Variants in ABCB9 observed in about 807,000 individuals in gnomAD.
ABCB9 encodes ATP binding cassette subfamily B member 9.
In ABCB9, 36 loss-of-function variants were observed where a neutral mutation model predicts 62.0. The ratio of observed to expected loss-of-function variants is 0.58; its 90% CI spans 0.45 to 0.77. ABCB9 has a LOEUF of 0.77. Ranked by LOEUF, ABCB9 falls within the 30% of genes least tolerant of loss-of-function variation. The probability of loss-of-function intolerance (pLI) is 0.00; values close to 1 mark genes in which losing one functional copy is unlikely to be tolerated. For missense variants in ABCB9, 943 were observed against 1,054.7 expected, an observed-to-expected ratio of 0.89 and a Z score of 1.47; for synonymous variants, 435 against 461.4, an observed-to-expected ratio of 0.94 and a Z score of 0.73.
chr12:122,928,287 C>T (rs1593963197), downstream of ABCB9, among the ~76,000 whole-genome samples: 2 of 151,962 alleles, frequency 1.3e-5, no homozygotes, highest in Admixed American at 6.6e-5. Flanking sequence ...CTGGCCAACA[C>T]AGTGAAACCC....
In ABCB9 at chr12:122,940,778, T is replaced by C; in HGVS notation, c.1569+29A>G. 6.5e-7 allele frequency: 1 copy of C among 1,538,276 alleles called. No individual in the cohort carries two copies. The highest frequency in any genetic ancestry group is 8.8e-7 in the Non-Finnish European group (1 of 1,134,456). ...AGAAATGGGGTGACGGAAAGGCTGA[T>C]TCTGGCAGGCCTCAAGCCGCGCCCT... On this transcript the variant is annotated intron_variant, in intron 8 of 11. Transcript: ENST00000280560. This position sits in a 1 kb window ranked among gnomAD's most constrained non-coding sequence, Gnocchi z 4.8.
intron 9 of ABCB9, 42 bp from the exon 10 acceptor site, chr12:122,935,473 G>A (rs781153198): frequency 6.3e-7 from 1 of 1,590,272 alleles, no homozygotes; most frequent in South Asian, 1.1e-5. Context: ...CCAGGAATGT[G>A]TTCATCCAGC....
chr12:122,961,523 G>C (rs543548601), intron 1 of ABCB9, among the ~76,000 whole-genome samples: 2 of 152,306 alleles, frequency 1.3e-5, no homozygotes, highest in African/African-American at 4.8e-5. Flanking sequence ...GGCCAGAGAA[G>C]ACCTCGCTGG....
chr12:122,939,934 G>T, intron 9 of ABCB9, 177 bp downstream of exon 9: 1 of 892,536 alleles, frequency 1.1e-6, no homozygotes, highest in Non-Finnish European at 1.6e-6. Flanking sequence ...TTACAGGTGT[G>T]AGCCACCACG....
At chr12:122,924,564 T>C (rs1593954580), downstream of ABCB9, 4 of 1,318,532 alleles carry the variant, frequency 3.0e-6, no homozygotes, top group East Asian at 1.2e-4. Context: ...ACTGAGCACA[T>C]ACTATGTGTC....
At position 122,940,372 on chromosome 12, in the gene ABCB9, TC is replaced by T; in HGVS notation, c.1570-89del. The T allele has an allele frequency of 6.9e-7, 1 of 1,457,174 alleles. No homozygotes were observed. The highest frequency in any genetic ancestry group is 9.2e-7 in the Non-Finnish European group (1 of 1,089,570). The allele number at this position is 1,457,174 out of a possible 1,614,324, so 90.3% of individuals were successfully genotyped here. A position where few individuals can be genotyped will look rare whatever the true frequency, so the allele number is the denominator to read the frequency against. On this transcript the variant is annotated intron_variant, in intron 8 of 11. Transcript: ENST00000280560. The surrounding 1 kb of genome is among the most constrained non-coding windows in gnomAD (Gnocchi z 4.8). ...GACCTTGGACACAGGTGGGTGCCCT[TC>T]CCAGCCCACCCCATGTGCCTCTCCC...
intron 3 of ABCB9, among the ~76,000 whole-genome samples, chr12:122,950,207 G>A (rs1358520601): frequency 1.3e-5 from 2 of 152,190 alleles, no homozygotes; most frequent in African/African-American, 2.4e-5. Context: ...TTGGAAAACA[G>A]CCAGGGAGGG....
intron 1 of ABCB9, among the ~76,000 whole-genome samples, chr12:122,962,220 C>G (rs2036941161): frequency 6.6e-6 from 1 of 152,198 alleles, no homozygotes; most frequent in Non-Finnish European, 1.5e-5. Flanking sequence ...GGCCTGGAGG[C>G]CTGAGTTTGT....
intron 4 of ABCB9, 129 bp downstream of exon 4, chr12:122,949,659 G>A: frequency 7.8e-7 from 1 of 1,274,176 alleles, no homozygotes; most frequent in Non-Finnish European, 1.1e-6. Flanking sequence ...TTCCCAGCCT[G>A]AACTAACAGC....
intron 1 of ABCB9, among the ~76,000 whole-genome samples, chr12:122,965,321 T>C (rs1048594296): frequency 1.3e-5 from 2 of 152,200 alleles, no homozygotes; most frequent in African/African-American, 4.8e-5. Context: ...GGTTCACCCC[T>C]GACATGGTGA....
chr12:122,975,102 G>A (rs970895094), exon 1 of ABCB9: 6 of 509,040 alleles, frequency 1.2e-5, no homozygotes, highest in South Asian at 8.6e-5. Context: ...ATCTTTCTCC[G>A]CAGACCGTTT....
chr12:122,924,811 CTG>C, downstream of ABCB9: 1 of 1,534,898 alleles, frequency 6.5e-7, no homozygotes, highest in Non-Finnish European at 8.7e-7. Context: ...ACCCAGCACA[CTG>C]TGTGGGACAG....
chr12:122,955,701 G>GTTTTTGTT (rs1264808409), intron 2 of ABCB9, among the ~76,000 whole-genome samples: 1 of 151,282 alleles, frequency 6.6e-6, no homozygotes, highest in Admixed American at 6.6e-5. Context: ...AGTTTTTTGG[G>GTTTTTGTT]TTTTTGTTTT....
chr12:122,971,671 C>T (rs940220376), intron 1 of ABCB9, among the ~76,000 whole-genome samples: 3 of 152,040 alleles, frequency 2.0e-5, no homozygotes, highest in Admixed American at 6.5e-5. Context: ...AGGCTGGTCT[C>T]GAACTCCTGA....
chr12:122,968,771 C>G (rs946294706), upstream of ABCB9, among the ~76,000 whole-genome samples: 3 of 151,784 alleles, frequency 2.0e-5, no homozygotes, highest in Admixed American at 6.6e-5. Context: ...TGTACCAACA[C>G]GCCCGGCTGA....
chr12:122,926,739 C>G (rs1046099722), downstream of ABCB9, among the ~76,000 whole-genome samples: 1 of 149,338 alleles, frequency 6.7e-6, no homozygotes, highest in African/African-American at 2.5e-5. Flanking sequence ...AAAAAAAAAG[C>G]AAAAGAAAAA....
intron 1 of ABCB9, among the ~76,000 whole-genome samples, chr12:122,962,970 C>T (rs1477449674): frequency 6.6e-6 from 1 of 152,088 alleles, no homozygotes; most frequent in Admixed American, 6.6e-5. Context: ...TGTTCTTCAC[C>T]CCTAAACTAA....
chr12:122,950,237 A>G (rs1014949496), intron 3 of ABCB9, among the ~76,000 whole-genome samples: 1 of 152,188 alleles, frequency 6.6e-6, no homozygotes, highest in Non-Finnish European at 1.5e-5. Flanking sequence ...AACCCTGAGG[A>G]CTGAAGCCCT....
At chr12:122,919,775 T>C (rs1411978961), downstream of ABCB9, among the ~76,000 whole-genome samples, 1 of 152,144 alleles carries the variant, frequency 6.6e-6, no homozygotes, top group Non-Finnish European at 1.5e-5. Context: ...ACTGAATGAC[T>C]GATCTCAGGT....
Sources: allele counts gnomAD v4.1 joint callset (sites outside exome capture counted in the v4.1 genomes callset), GRCh38; gene constraint gnomAD v4.1.1; non-coding constraint Gnocchi (gnomAD v3.1); transcripts MANE v1.5; gene names NCBI Gene and HGNC (gene_info 2026-07-23, HGNC 2026-07-21).